SEMA6D: variants seen among roughly 807,000 people sequenced by gnomAD.
SEMA6D encodes the protein semaphorin-6D.
Under a neutral mutation model 106.6 loss-of-function variants are expected in SEMA6D, and 35 were observed. That is an observed-to-expected ratio of 0.33 (90% CI 0.25 to 0.44). The LOEUF is 0.44. Ranked by LOEUF, SEMA6D falls within the 20% of genes least tolerant of loss-of-function variation. The probability of loss-of-function intolerance (pLI) is 1.00; values close to 1 mark genes in which losing one functional copy is unlikely to be tolerated. For synonymous variants in SEMA6D, 499 were observed against 487.7 expected, an observed-to-expected ratio of 1.02 and a Z score of -0.31; for missense variants, 1,185 against 1,345.9, an observed-to-expected ratio of 0.88 and a Z score of 1.87.
At chr15:47,199,479 A>T (rs1413080645) in intron 1 of SEMA6D, among the ~76,000 whole-genome samples, 3 of 152,170 alleles carry the variant, frequency 2.0e-5, no homozygotes, top group Admixed American at 1.3e-4. Context: ...AAATAAAAAC[A>T]TTCCTGTTTT....
chr15:47,315,566 T>C (rs2036634965), intron 1 of SEMA6D, among the ~76,000 whole-genome samples: 1 of 152,232 alleles, frequency 6.6e-6, no homozygotes, highest in African/African-American at 2.4e-5. Flanking sequence ...TTCAATATTA[T>C]GTTGTTTATT....
intron 3 of SEMA6D, among the ~76,000 whole-genome samples, chr15:47,475,177 C>T (rs1035826141): frequency 9.9e-5 from 15 of 152,086 alleles, no homozygotes; most frequent in Non-Finnish European, 2.1e-4. Flanking sequence ...AAAAAGAAAG[C>T]GCTCTCATTT....
intron 3 of SEMA6D, among the ~76,000 whole-genome samples, chr15:47,499,711 A>C (rs2043784476): frequency 6.6e-6 from 1 of 152,120 alleles, no homozygotes; most frequent in Admixed American, 6.6e-5. Context: ...TGGAAACAAA[A>C]GGTTCTTTAA....
intron 1 of SEMA6D, among the ~76,000 whole-genome samples, chr15:47,250,019 CAG>C (rs78414229): frequency 0.012 from 1,782 of 152,236 alleles, 34 homozygotes; most frequent in Admixed American, 0.012. Flanking sequence ...AGTTATGAAA[CAG>C]ATTTATATTC....
At chr15:47,368,627 C>T (rs1182229313) in intron 1 of SEMA6D, among the ~76,000 whole-genome samples, 8 of 152,168 alleles carry the variant, frequency 5.3e-5, no homozygotes, top group African/African-American at 1.2e-4. Flanking sequence ...CCCGCCACTA[C>T]GCCCGAAATT....
intron 1 of SEMA6D, among the ~76,000 whole-genome samples, chr15:47,289,344 A>G (rs2035501422): frequency 6.8e-6 from 1 of 148,006 alleles, no homozygotes; most frequent in East Asian, 2.2e-4. Context: ...CAGTGGGCCA[A>G]GATCGTGCCA....
intron 3 of SEMA6D, among the ~76,000 whole-genome samples, chr15:47,594,050 T>C (rs749744709): frequency 5.9e-5 from 9 of 152,240 alleles, no homozygotes; most frequent in Non-Finnish European, 1.3e-4. Flanking sequence ...CAGTTGACAA[T>C]GCCTGAGGCA....
At chr15:47,708,004 T>C (rs1210649379) in intron 4 of SEMA6D, among the ~76,000 whole-genome samples, 3 of 152,162 alleles carry the variant, frequency 2.0e-5, no homozygotes, top group Admixed American at 1.3e-4. Flanking sequence ...TGTCTTCTGG[T>C]GTATGTTTCC....
At chr15:47,564,860 C>T (rs1348048443) in intron 3 of SEMA6D, among the ~76,000 whole-genome samples, 1 of 152,114 alleles carries the variant, frequency 6.6e-6, no homozygotes. Context: ...ATCTAGACAT[C>T]GGGACAACTA....
intron 4 of SEMA6D, among the ~76,000 whole-genome samples, chr15:47,711,153 CA>C (rs1232644276): frequency 1.9e-4 from 29 of 151,056 alleles, no homozygotes; most frequent in Non-Finnish European, 1.2e-4. Flanking sequence ...ACTAAAAATA[CA>C]AAAAAATTAG....
chr15:47,713,674 C>G (rs1020921023), upstream of SEMA6D, among the ~76,000 whole-genome samples: 14 of 152,160 alleles, frequency 9.2e-5, no homozygotes, highest in Admixed American at 7.2e-4. Context: ...TATTTTGAAA[C>G]ATGAAATTCT....
chr15:47,461,064 G>A (rs1278085676), intron 2 of SEMA6D, among the ~76,000 whole-genome samples: 1 of 152,026 alleles, frequency 6.6e-6, no homozygotes, highest in East Asian at 1.9e-4. Context: ...TGCTCCTTGA[G>A]CAAGCTCATT....
chr15:47,364,238 G>A (rs1241731812), intron 1 of SEMA6D, among the ~76,000 whole-genome samples: 1 of 152,180 alleles, frequency 6.6e-6, no homozygotes, highest in Non-Finnish European at 1.5e-5. Context: ...AAGAAGTCCT[G>A]GTAGGAGGTT....
At chr15:47,727,840 C>G (rs538345788) in intron 1 of SEMA6D, among the ~76,000 whole-genome samples, 1 of 152,330 alleles carries the variant, frequency 6.6e-6, no homozygotes, top group East Asian at 1.9e-4. Flanking sequence ...AAACTTCATG[C>G]TTCAGGGCAT....
intron 3 of SEMA6D, among the ~76,000 whole-genome samples, chr15:47,523,429 G>A (rs976394975): frequency 3.3e-5 from 5 of 151,992 alleles, no homozygotes; most frequent in Non-Finnish European, 5.9e-5. Flanking sequence ...GGTGGGGCAG[G>A]GGAAGACAGG....
chr15:47,227,303 A>G (rs1380385510), intron 1 of SEMA6D, among the ~76,000 whole-genome samples: 1 of 152,002 alleles, frequency 6.6e-6, no homozygotes, highest in African/African-American at 2.4e-5. Flanking sequence ...ATGATTGTCC[A>G]GATTAACTCT....
At chr15:47,421,200 T>C (rs1241206835) in intron 2 of SEMA6D, among the ~76,000 whole-genome samples, 1 of 152,124 alleles carries the variant, frequency 6.6e-6, no homozygotes, top group Non-Finnish European at 1.5e-5. Flanking sequence ...CCCCTTGTTA[T>C]ACTCCTCATT....
intron 1 of SEMA6D, among the ~76,000 whole-genome samples, chr15:47,340,281 G>A (rs965124163): frequency 6.6e-6 from 1 of 152,118 alleles, no homozygotes; most frequent in Non-Finnish European, 1.5e-5. Flanking sequence ...AGTGAGCCAT[G>A]TAAACCATTC....
At chr15:47,321,769 T>C (rs1323561361) in intron 1 of SEMA6D, among the ~76,000 whole-genome samples, 1 of 152,182 alleles carries the variant, frequency 6.6e-6, no homozygotes, top group Non-Finnish European at 1.5e-5. Flanking sequence ...TTTATTATGA[T>C]GATAGTTACA....
Sources: allele counts gnomAD v4.1 joint callset (sites outside exome capture counted in the v4.1 genomes callset), GRCh38; gene constraint gnomAD v4.1.1; transcripts MANE v1.5; gene names NCBI Gene and HGNC (gene_info 2026-07-23, HGNC 2026-07-21).